Variants in IPO8 observed in about 807,000 individuals in gnomAD.
IPO8 encodes the protein importin-8.
IPO8 carries 65 observed loss-of-function variants against 141.2 expected under a neutral mutation model. The ratio of observed to expected loss-of-function variants is 0.46; its 90% CI spans 0.38 to 0.57. The LOEUF is 0.57. Ranked by LOEUF, IPO8 falls within the 20% of genes least tolerant of loss-of-function variation. The probability of loss-of-function intolerance (pLI) is 0.00; values close to 1 mark genes in which losing one functional copy is unlikely to be tolerated. For missense variants in IPO8, 980 were observed against 1,246.8 expected, an observed-to-expected ratio of 0.79 and a Z score of 3.22; for synonymous variants, 411 against 420.3, an observed-to-expected ratio of 0.98 and a Z score of 0.27.
intron 23 of IPO8, among the ~76,000 whole-genome samples, chr12:30,632,336 C>G (rs1017378094): frequency 5.3e-5 from 8 of 152,186 alleles, no homozygotes; most frequent in African/African-American, 1.9e-4. Flanking sequence ...CCATTTTCCT[C>G]TGGAATTTTC....
rs1565507528 is a variant in IPO8 at position 30,676,601 on chromosome 12, G to C, written c.640-14C>G. ...AGGCAATGCATACTGGAAAAGAGAA[G>C]AACAACATGAACAGTAATTCCTCCC... On this transcript the variant is annotated splice_polypyrimidine_tract_variant and intron_variant, in intron 5 of 24. Transcript: ENST00000256079. The C allele has an allele frequency of 6.4e-7, 1 of 1,553,202 alleles. No homozygotes were observed. Among genetic ancestry groups the C allele is most frequent in the Admixed American group, 1.7e-5 (1 of 59,876 alleles).
chr12:30,666,281 A>C (rs745481863), intron 10 of IPO8, 30 bp from the exon 11 acceptor site: 1 of 1,451,932 alleles, frequency 6.9e-7, no homozygotes, highest in Non-Finnish European at 9.4e-7. Context: ...AAACCATGTT[A>C]GTGAAAATAT....
chr12:30,633,371 C>T (rs1440187469), intron 23 of IPO8, among the ~76,000 whole-genome samples: 1 of 152,076 alleles, frequency 6.6e-6, no homozygotes, highest in Non-Finnish European at 1.5e-5. Flanking sequence ...TACTATCTAA[C>T]CATAAAACAA....
At chr12:30,688,424 T>C (rs915604706) in intron 2 of IPO8, 1 of 444,942 alleles carries the variant, frequency 2.2e-6, no homozygotes, top group Non-Finnish European at 4.5e-6. Context: ...AGAAAAAGTA[T>C]TTTGCAGATG....
intron 10 of IPO8, among the ~76,000 whole-genome samples, chr12:30,666,657 G>A (rs960184016): frequency 1.3e-5 from 2 of 152,096 alleles, no homozygotes; most frequent in Non-Finnish European, 2.9e-5. Flanking sequence ...GTGAAACAAA[G>A]AAACACATTA....
rs12320188 is a variant in IPO8 at position 30,671,534 on chromosome 12, C to T, written c.910-438G>A. Among the ~76,000 whole-genome samples the T allele has an allele frequency of 7.6e-3, 1,151 of 151,856 alleles. 11 individuals are homozygous for T. The highest frequency in any genetic ancestry group is 0.027 in the African/African-American group (1,104 of 41,414). On this transcript the variant is annotated intron_variant, in intron 8 of 24. Transcript: ENST00000256079. ...TGAAAACACAAAAAAATTAGCCGGG[C>T]GTGGTGGCGGGTGCCTGTAGTCCCA...
chr12:30,644,944 C>T (rs1054234222), intron 20 of IPO8, among the ~76,000 whole-genome samples: 1 of 151,722 alleles, frequency 6.6e-6, no homozygotes, highest in African/African-American at 2.4e-5. Context: ...TAAGCCACTG[C>T]GCCCCGCCAC....
intron 8 of IPO8, among the ~76,000 whole-genome samples, chr12:30,673,429 G>A (rs1423141319): frequency 6.6e-6 from 1 of 152,088 alleles, no homozygotes; most frequent in Non-Finnish European, 1.5e-5. Flanking sequence ...AATTTTCATG[G>A]ACCACTTGTC....
chr12:30,658,906 A>G (rs2052840400), intron 16 of IPO8, among the ~76,000 whole-genome samples: 1 of 124,970 alleles, frequency 8.0e-6, no homozygotes, highest in Non-Finnish European at 1.6e-5. Context: ...TTGGAGACAG[A>G]GTCTCGCTCT....
chr12:30,672,313 C>G (rs1191308711), intron 8 of IPO8, among the ~76,000 whole-genome samples: 3 of 152,116 alleles, frequency 2.0e-5, no homozygotes, highest in East Asian at 3.9e-4. Context: ...CCAAATTTGT[C>G]GGAAGTCCTG....
intron 15 of IPO8, 28 bp from the exon 16 acceptor site, chr12:30,661,294 C>T: frequency 6.4e-7 from 1 of 1,560,132 alleles, no homozygotes; most frequent in Non-Finnish European, 8.6e-7. Flanking sequence ...AAGTATTCCG[C>T]AATTAGTAGT....
intron 16 of IPO8, among the ~76,000 whole-genome samples, chr12:30,660,198 A>G (rs7303626): frequency 0.55 from 83,134 of 152,050 alleles, 23,344 homozygotes; most frequent in African/African-American, 0.67. Context: ...ACGCCAGCCT[A>G]GGTGACAGAG....
chr12:30,639,864 T>C, intron 20 of IPO8, 129 bp from the exon 21 acceptor site: 1 of 649,552 alleles, frequency 1.5e-6, no homozygotes, highest in South Asian at 1.9e-5. Context: ...GACTAAATCA[T>C]TTTAGAGGTA....
chr12:30,640,100 T>C (rs1012432730), intron 20 of IPO8, among the ~76,000 whole-genome samples: 35 of 152,250 alleles, frequency 2.3e-4, no homozygotes, highest in Admixed American at 5.2e-4. Flanking sequence ...ACAAATTAAA[T>C]TGGAAATAAA....
chr12:30,672,496 T>C (rs1750149842), intron 8 of IPO8, among the ~76,000 whole-genome samples: 1 of 152,216 alleles, frequency 6.6e-6, no homozygotes, highest in Admixed American at 6.5e-5. Context: ...AAGAAAACCA[T>C]TTTTAAGTAT....
In IPO8 at chr12:30,680,511, T is replaced by C; in HGVS notation, c.610A>G (p.Ile204Val). The C allele has an allele frequency of 1.2e-6, 2 of 1,611,526 alleles. 1 individual carries two copies. Among genetic ancestry groups the C allele is most frequent in the South Asian group, 2.2e-5 (2 of 90,572 alleles). ...ACAAGTGCATAAAAGATTTTCAGAA[T>C]TTGTTTCTGCAGTAATACAGAATAA... ...SYYSVLLQKQ[I>V]LKIFYALVQY... Residue 204 changes from isoleucine to valine, a missense_variant, in exon 5 of 25, where the codon ATT becomes GTT. Transcript: ENST00000256079.
At chr12:30,673,509 T>C (rs1259111203) in intron 8 of IPO8, among the ~76,000 whole-genome samples, 3 of 152,240 alleles carry the variant, frequency 2.0e-5, no homozygotes, top group Admixed American at 1.3e-4. Flanking sequence ...TTTCACTATA[T>C]AGAATGGTCC....
chr12:30,677,631 T>C (rs973295964), intron 5 of IPO8, among the ~76,000 whole-genome samples: 6 of 152,028 alleles, frequency 3.9e-5, no homozygotes, highest in African/African-American at 1.4e-4. Flanking sequence ...AATACAGAAG[T>C]GGAAGACAGT....
At chr12:30,653,503 A>C (rs567315802) in intron 17 of IPO8, among the ~76,000 whole-genome samples, 2 of 152,082 alleles carry the variant, frequency 1.3e-5, no homozygotes, top group Non-Finnish European at 2.9e-5. Context: ...ATATCAGACT[A>C]AAGTATCTAC....
Sources: allele counts gnomAD v4.1 joint callset (sites outside exome capture counted in the v4.1 genomes callset), GRCh38; gene constraint gnomAD v4.1.1; transcripts MANE v1.5; gene names NCBI Gene and HGNC (gene_info 2026-07-23, HGNC 2026-07-21).